Variants in CNBD1 observed in about 807,000 individuals in gnomAD.
The protein encoded by CNBD1 is cyclic nucleotide binding domain containing 1.
In CNBD1, 71 loss-of-function variants were observed where a neutral mutation model predicts 54.4. The observed-to-expected ratio is 1.30, with a 90% CI of 1.08 to 1.59. The LOEUF (loss-of-function observed/expected upper bound fraction) is 1.59, where lower values mean the gene tolerates loss of function less well. Among genes scored for constraint, CNBD1 ranks in the 40% most tolerant of loss-of-function variants. The pLI, the probability that CNBD1 is intolerant of heterozygous loss-of-function variation, is 0.00. For synonymous variants in CNBD1, 182 were observed against 170.7 expected (o/e 1.07, Z -0.51); for missense variants, 659 against 518.0 (o/e 1.27, Z -2.64).
intron 4 of CNBD1, among the ~76,000 whole-genome samples, chr8:87,092,431 A>ATC (rs1436881611): frequency 8.8e-6 from 1 of 113,468 alleles, no homozygotes; most frequent in African/African-American, 3.6e-5. Flanking sequence ...GTATGTATGT[A>ATC]TGTGTGTGTG....
chr8:87,115,946 G>T (rs1811758785), intron 4 of CNBD1, among the ~76,000 whole-genome samples: 1 of 152,080 alleles, frequency 6.6e-6, no homozygotes, highest in Admixed American at 6.6e-5. Context: ...TACCTTCAAT[G>T]CCAGTACAAT....
At chr8:87,416,133 A>G (rs914582442) in intron 2 of CNBD1, among the ~76,000 whole-genome samples, 8 of 151,952 alleles carry the variant, frequency 5.3e-5, no homozygotes, top group Admixed American at 2.0e-4. Flanking sequence ...TTTTAACAAT[A>G]TATCTTCAAA....
chr8:87,067,301 C>T (rs1810674457), intron 4 of CNBD1, among the ~76,000 whole-genome samples: 1 of 151,916 alleles, frequency 6.6e-6, no homozygotes, highest in African/African-American at 2.4e-5. Context: ...AAAGAACACA[C>T]ATTTTTCTCA....
At chr8:87,185,897 G>A (rs1400517896) in intron 4 of CNBD1, among the ~76,000 whole-genome samples, 2 of 151,976 alleles carry the variant, frequency 1.3e-5, no homozygotes, top group Admixed American at 6.6e-5. Context: ...CTCAATTAAG[G>A]AAACTGTCTG....
intron 1 of CNBD1, among the ~76,000 whole-genome samples, chr8:86,883,603 C>G (rs1234040824): frequency 6.6e-6 from 1 of 151,864 alleles, no homozygotes; most frequent in Admixed American, 6.6e-5. Context: ...TCACAAAAAC[C>G]CAGTAAGAAG....
intron 10 of CNBD1, among the ~76,000 whole-genome samples, chr8:87,358,873 C>T (rs1406427904): frequency 6.6e-6 from 1 of 152,124 alleles, no homozygotes; most frequent in Non-Finnish European, 1.5e-5. Flanking sequence ...GGAAAGATGG[C>T]CATCTTAGCT....
At chr8:87,406,648 T>C (rs1807658659) in intron 2 of CNBD1, among the ~76,000 whole-genome samples, 1 of 151,924 alleles carries the variant, frequency 6.6e-6, no homozygotes, top group Admixed American at 6.6e-5. Flanking sequence ...CCCATCTAAT[T>C]TTTGTATTTT....
intron 3 of CNBD1, among the ~76,000 whole-genome samples, chr8:86,937,232 C>T (rs1444971469): frequency 1.1e-4 from 17 of 152,130 alleles, no homozygotes; most frequent in Non-Finnish European, 1.2e-4. Flanking sequence ...TCTCATGAGA[C>T]TTACTATCAT....
intron 4 of CNBD1, among the ~76,000 whole-genome samples, chr8:87,058,226 GC>G (rs1366046346): frequency 6.6e-6 from 1 of 152,208 alleles, no homozygotes; most frequent in Non-Finnish European, 1.5e-5. Flanking sequence ...GGCTCCCAAA[GC>G]CTCGGGCAGC....
intron 4 of CNBD1, among the ~76,000 whole-genome samples, chr8:87,167,784 T>G (rs1812996309): frequency 6.6e-6 from 1 of 152,060 alleles, no homozygotes; most frequent in Non-Finnish European, 1.5e-5. Flanking sequence ...GTAAATATAG[T>G]CATGTGTCAC....
At chr8:87,260,697 A>G (rs1055147050) in intron 6 of CNBD1, among the ~76,000 whole-genome samples, 1 of 151,938 alleles carries the variant, frequency 6.6e-6, no homozygotes, top group Non-Finnish European at 1.5e-5. Context: ...TCACCATACC[A>G]TAGCCATGGA....
intron 8 of CNBD1, among the ~76,000 whole-genome samples, chr8:87,309,959 C>T (rs1293975403): frequency 2.0e-5 from 3 of 152,010 alleles, no homozygotes; most frequent in Non-Finnish European, 4.4e-5. Context: ...GCCACCAGTC[C>T]CTGATAAATG....
chr8:87,284,768 T>TCA lies in CNBD1; in HGVS notation c.862_863insCA (p.Cys288SerfsTer15). 1 of 1,567,634 alleles carries TCA rather than the reference T, an allele frequency of 6.4e-7. No individual in the cohort carries two copies. Among genetic ancestry groups the TCA allele is most frequent in the Non-Finnish European group, 8.7e-7 (1 of 1,156,066 alleles). On this transcript the variant is annotated frameshift_variant, in exon 7 of 11. Coordinates refer to ENST00000518476, the MANE Select transcript of CNBD1 (RefSeq NM_173538.3). LOFTEE classifies it high-confidence loss of function. ...GTTCTCGGTGGTGACAGAAGACGAT[T>TCA]GTGAAATTCTTAAAATCCCAGCAAA...
chr8:86,992,200 G>A (rs543090798), intron 4 of CNBD1, among the ~76,000 whole-genome samples: 2 of 152,082 alleles, frequency 1.3e-5, no homozygotes, highest in East Asian at 1.9e-4. Context: ...CCAATGTTGG[G>A]TGCATATATG....
Position 87,319,498 on chromosome 8 carries a change from A to G in CNBD1, c.1043-32187A>G, listed in dbSNP as rs555855763. Among the ~76,000 whole-genome samples, 11 of 152,216 alleles carry G rather than the reference A, an allele frequency of 7.2e-5. No homozygotes were observed. The South Asian group carries it at 2.3e-3, about 32-fold the overall frequency. ...GAGTACTCATAGAATAACCTATATG[A>G]ACTTTATTTGAAGAATAAAAAATGA... On this transcript the variant is annotated intron_variant, in intron 8 of 10. Transcript: ENST00000518476.
intron 2 of CNBD1, among the ~76,000 whole-genome samples, chr8:87,405,353 A>G (rs1035701945): frequency 1.3e-5 from 2 of 152,124 alleles, no homozygotes; most frequent in African/African-American, 4.8e-5. Context: ...TTTGGCAAAT[A>G]GTGGCATTAT....
At chr8:87,412,017 C>A (rs993047601) in intron 2 of CNBD1, among the ~76,000 whole-genome samples, 5 of 151,922 alleles carry the variant, frequency 3.3e-5, no homozygotes, top group Admixed American at 1.3e-4. Flanking sequence ...CCTTGACATT[C>A]ATTAGTGCTT....
At chr8:87,273,329 A>G (rs1808406601) in intron 6 of CNBD1, among the ~76,000 whole-genome samples, 1 of 151,988 alleles carries the variant, frequency 6.6e-6, no homozygotes, top group Non-Finnish European at 1.5e-5. Context: ...AATTTAGTTA[A>G]TAACTAACTG....
intron 9 of CNBD1, among the ~76,000 whole-genome samples, chr8:87,352,335 C>T (rs918038303): frequency 7.9e-5 from 12 of 151,924 alleles, no homozygotes; most frequent in Admixed American, 7.9e-4. Context: ...CAAAAATTAG[C>T]TGGGTGTGGT....
Sources: gnomAD v4.1 joint callset for allele counts (sites outside exome capture counted in the v4.1 genomes callset) on GRCh38, gnomAD v4.1.1 for gene constraint, MANE v1.5 for transcripts, NCBI Gene and HGNC (gene_info 2026-07-23, HGNC 2026-07-21) for gene names.